The following SLC16A14 variants were observed in gnomAD, a reference collection of about 807,000 sequenced individuals.
SLC16A14 encodes solute carrier family 16 member 14.
Under a neutral mutation model 35.8 loss-of-function variants are expected in SLC16A14, and 14 were observed. The ratio of observed to expected loss-of-function variants is 0.39; its 90% CI spans 0.26 to 0.61. The LOEUF is 0.61. Ranked by LOEUF, SLC16A14 falls within the 20% of genes least tolerant of loss-of-function variation. The pLI, the probability that SLC16A14 is intolerant of heterozygous loss-of-function variation, is 0.51. For synonymous variants in SLC16A14, 248 were observed against 258.9 expected (o/e 0.96, Z 0.40); for missense variants, 533 against 655.0 (o/e 0.81, Z 2.03).
At position 230,036,798 on chromosome 2, in the gene SLC16A14, C is replaced by T. The variant is rs2077522612; in HGVS notation, c.*582G>A. The T allele has an allele frequency of 6.6e-6, 1 of 152,210 alleles. No individual in the cohort carries two copies. Among genetic ancestry groups the T allele is most frequent in the Admixed American group, 6.5e-5 (1 of 15,282 alleles). The allele number at this position is 152,210 out of a possible 1,614,324, so 9.4% of individuals were successfully genotyped here. A position where few individuals can be genotyped will look rare whatever the true frequency, so the allele number is the denominator to read the frequency against. ...ATTTAGGAGTCACAATCCCTAGCTG[C>T]AGAATTCCCTCATAAAAATACAAGC... On this transcript the variant is annotated 3_prime_UTR_variant, in exon 5 of 5. Coordinates refer to ENST00000295190, the MANE Select transcript of SLC16A14 (RefSeq NM_152527.5).
intron 1 of SLC16A14, among the ~76,000 whole-genome samples, chr2:230,061,743 C>CTT (rs61262241): frequency 7.9e-4 from 112 of 142,220 alleles, no homozygotes; most frequent in African/African-American, 1.4e-3. Context: ...TGAACAATAT[C>CTT]TTTTTTTTTT....
chr2:230,067,571 T>TCACA (rs1553822791), intron 1 of SLC16A14, among the ~76,000 whole-genome samples: 10 of 143,826 alleles, frequency 7.0e-5, no homozygotes, highest in South Asian at 2.2e-4. Flanking sequence ...TCTCTCTCTC[T>TCACA]CACACACACA....
chr2:230,037,562 C>A, intron 4 of SLC16A14, 31 bp from the exon 5 acceptor site: 2 of 1,536,526 alleles, frequency 1.3e-6, no homozygotes, highest in South Asian at 2.6e-5. Context: ...TATTCAGTGT[C>A]ATGGAGTTGA....
At chr2:230,048,939 A>AG in intron 3 of SLC16A14, among the ~76,000 whole-genome samples, 1 of 146,512 alleles carries the variant, frequency 6.8e-6, no homozygotes, top group South Asian at 2.1e-4. Context: ...AAAAAAAAAA[A>AG]AAAAAACAAA....
intron 3 of SLC16A14, among the ~76,000 whole-genome samples, chr2:230,047,830 T>G (rs1291531978): frequency 6.6e-6 from 1 of 152,218 alleles, no homozygotes; most frequent in Non-Finnish European, 1.5e-5. Context: ...CACATTTGAC[T>G]CCACAAATAT....
chr2:230,037,382 A>G lies in SLC16A14; in HGVS notation c.1531T>C (p.Ter511GlnextTer85). 1 of 1,600,052 alleles carries G rather than the reference A, an allele frequency of 6.2e-7. No homozygotes were observed. ...RRKYMDGAHV* is the reference protein window; with the variant it reads ...RRKYMDGAHVQ Reference sequence around the variant, plus strand: ...CCTACACGGAACATTACATGATACTAAACATGTGCACCATCCATGTATTTT... The same window carrying G: ...CCTACACGGAACATTACATGATACTGAACATGTGCACCATCCATGTATTTT... Residue 511 changes from the stop codon to glutamine, a stop_lost, in exon 5 of 5, where the codon TAG becomes CAG. Coordinates refer to ENST00000295190, the MANE Select transcript of SLC16A14 (RefSeq NM_152527.5).
At position 230,056,008 on chromosome 2, in the gene SLC16A14, C is replaced by T. The variant is rs2077700792; in HGVS notation, c.259+3086G>A. Among the ~76,000 whole-genome samples, 3 of 152,316 alleles carry T rather than the reference C, an allele frequency of 2.0e-5. No homozygotes were observed. The South Asian group carries it at 6.2e-4, about 32-fold the overall frequency. ...CTACCTGCGTGTTTCCTATGACAAA[C>T]AGTCCTAGTTTAACAAAACAATGCA... On this transcript the variant is annotated intron_variant, in intron 2 of 4. Coordinates refer to ENST00000295190, the MANE Select transcript of SLC16A14 (RefSeq NM_152527.5).
At chr2:230,067,534 T>TTCTCTCTCTCTCTCTCTCTC (rs145179402) in intron 1 of SLC16A14, among the ~76,000 whole-genome samples, 161 of 128,334 alleles carry the variant, frequency 1.3e-3, no homozygotes, top group African/African-American at 5.1e-3. Context: ...CTCCCCTCTC[T>TTCTCTCTCTCTCTCTCTCTC]TCTCTCTCTC....
Position 230,046,105 on chromosome 2 carries a change from C to T in SLC16A14, c.1021G>A (p.Val341Ile). 6.2e-7 allele frequency: 1 copy of T among 1,613,944 alleles called. No individual in the cohort carries two copies. Among genetic ancestry groups the T allele is most frequent in the Non-Finnish European group, 8.5e-7 (1 of 1,179,824 alleles). ...VIPFIHLPEI[V>I]NLYNLSEQND... Reference sequence around the variant, plus strand: ...TGCTCCGATAAGTTATACAAATTGACGATTTCTGGGAGGTGAATGAAGGGG... The same window carrying T: ...TGCTCCGATAAGTTATACAAATTGATGATTTCTGGGAGGTGAATGAAGGGG... The change falls in exon 4 of 5, where the codon GTC becomes ATC. Residue 341 changes from valine (V) to isoleucine (I), a missense_variant. By Grantham distance (29) the Val-to-Ile change is conservative. Coordinates refer to ENST00000295190, the MANE Select transcript of SLC16A14 (RefSeq NM_152527.5). The surrounding 1 kb of genome is among the most constrained non-coding windows in gnomAD (Gnocchi z 5.0).
At chr2:230,054,090 G>C (rs928060688) in intron 2 of SLC16A14, among the ~76,000 whole-genome samples, 2 of 151,788 alleles carry the variant, frequency 1.3e-5, no homozygotes, top group African/African-American at 4.8e-5. Flanking sequence ...CTGAGGTGGG[G>C]GGGGAAGTTA....
chr2:230,066,892 G>A, intron 1 of SLC16A14: 2 of 237,402 alleles, frequency 8.4e-6, no homozygotes, highest in South Asian at 8.3e-5. Context: ...CTCCCAAAAT[G>A]CTGGGATTAC....
intron 2 of SLC16A14, among the ~76,000 whole-genome samples, chr2:230,054,086 T>TGGG (rs5839354): frequency 4.0e-5 from 6 of 151,032 alleles, no homozygotes; most frequent in Non-Finnish European, 7.4e-5. Flanking sequence ...CAGCCTGAGG[T>TGGG]GGGGGGGGAA....
intron 1 of SLC16A14, among the ~76,000 whole-genome samples, chr2:230,062,107 G>A (rs1039826392): frequency 6.6e-6 from 1 of 152,016 alleles, no homozygotes; most frequent in Non-Finnish European, 1.5e-5. Context: ...AACATAATGA[G>A]TATTACTGAC....
intron 3 of SLC16A14, among the ~76,000 whole-genome samples, chr2:230,049,357 G>A (rs1283466429): frequency 4.0e-5 from 6 of 151,898 alleles, no homozygotes; most frequent in Non-Finnish European, 8.8e-5. Context: ...TGGGATTACA[G>A]GCGTGAGCTA....
intron 4 of SLC16A14, among the ~76,000 whole-genome samples, chr2:230,040,241 C>T (rs55658003): frequency 2.9e-5 from 4 of 137,008 alleles, no homozygotes; most frequent in African/African-American, 5.4e-5. Context: ...TTATTTGGGA[C>T]GGAGTCTCAC....
intron 2 of SLC16A14, among the ~76,000 whole-genome samples, chr2:230,051,936 A>G (rs1339601486): frequency 6.8e-6 from 1 of 147,446 alleles, no homozygotes; most frequent in African/African-American, 2.6e-5. Flanking sequence ...TATTAAACAT[A>G]CTTTTTTTTT....
chr2:230,035,312 T>C lies in SLC16A14; in HGVS notation c.*2068A>G, dbSNP rs1348883730. 6.6e-6 allele frequency: 1 copy of C among 152,614 alleles called. No homozygotes were observed. Among genetic ancestry groups the C allele is most frequent in the African/African-American group, 2.4e-5 (1 of 41,444 alleles). 9.5% of individuals were successfully genotyped at this position (152,614 alleles called of 1,614,324 possible). A position where few individuals can be genotyped will look rare whatever the true frequency, so the allele number is the denominator to read the frequency against. On this transcript the variant is annotated 3_prime_UTR_variant, in exon 5 of 5. Transcript: ENST00000295190. ...GTGAGCAAGTCTAACTTAGATGTAA[T>C]TAGAGTTGAGTCATTGGATAAAAAG...
rs1377545238 is a variant in SLC16A14, at chr2:230,045,730, C to T, written c.1381+15G>A. On this transcript the variant is annotated intron_variant, in intron 4 of 4. Coordinates refer to ENST00000295190, the MANE Select transcript of SLC16A14 (RefSeq NM_152527.5). Reference sequence around the variant, plus strand: ...GTACATGCACTCTGAGCTCTTAAAACCTCAGAGAGTTTACCTGCAAAAGGT... The same window carrying T: ...GTACATGCACTCTGAGCTCTTAAAATCTCAGAGAGTTTACCTGCAAAAGGT... The T allele has an allele frequency of 6.2e-7, 1 of 1,613,936 alleles. No individual in the cohort carries two copies. Among genetic ancestry groups the T allele is most frequent in the Admixed American group, 1.7e-5 (1 of 60,002 alleles).
chr2:230,052,621 G>GAT (rs1553820088), intron 2 of SLC16A14, among the ~76,000 whole-genome samples: 46 of 148,806 alleles, frequency 3.1e-4, no homozygotes, highest in African/African-American at 1.1e-3. Context: ...AGGCGTTTGA[G>GAT]AAAAAAAAAA....
Sources: gnomAD v4.1 joint callset for allele counts (sites outside exome capture counted in the v4.1 genomes callset) on GRCh38, gnomAD v4.1.1 for gene constraint, Gnocchi (gnomAD v3.1) non-coding constraint, MANE v1.5 for transcripts, NCBI Gene and HGNC (gene_info 2026-07-23, HGNC 2026-07-21) for gene names.